The following ZSCAN5A variants were observed in gnomAD, a reference collection of about 807,000 sequenced individuals.
ZSCAN5A encodes zinc finger and SCAN domain-containing protein 5A.
In ZSCAN5A, 12 loss-of-function variants were observed where a neutral mutation model predicts 23.7. The ratio of observed to expected loss-of-function variants is 0.51; its 90% CI spans 0.32 to 0.82. ZSCAN5A has a LOEUF of 0.82. ZSCAN5A is among the 40% of genes least tolerant of loss of function. ZSCAN5A has a pLI of 0.03. For synonymous variants in ZSCAN5A, 257 were observed against 239.9 expected, an observed-to-expected ratio of 1.07 and a Z score of -0.66; for missense variants, 597 against 617.9, an observed-to-expected ratio of 0.97 and a Z score of 0.36.
intron 5 of ZSCAN5A, 105 bp downstream of exon 5, chr19:56,222,486 G>T: frequency 6.4e-7 from 1 of 1,553,026 alleles, no homozygotes; most frequent in South Asian, 1.3e-5. Context: ...GGGAGGCTTT[G>T]ACAGCTGAGT....
rs139272951 is a variant in ZSCAN5A, at chr19:56,346,586, T to C, written c.-358+16649A>G. Among the ~76,000 whole-genome samples the C allele has an allele frequency of 3.9e-3, 599 of 152,148 alleles. 5 individuals are homozygous for C. The highest frequency in any genetic ancestry group is 4.9e-3 in the Non-Finnish European group (334 of 67,988). ...CAGAGTTGTACAGCAAAATAAACTT[T>C]AGATATCAACGGAATTTTGGGTCCT... On this transcript the variant is annotated intron_variant, in intron 2 of 6. Coordinates refer to the ZSCAN5A transcript ENST00000587340.
chr19:56,295,350 T>C (rs1025139670), intron 2 of ZSCAN5A, among the ~76,000 whole-genome samples: 2 of 151,894 alleles, frequency 1.3e-5, no homozygotes, highest in Admixed American at 1.3e-4. Flanking sequence ...TCCCAGCACT[T>C]TGGGAGGCTG....
At chr19:56,268,683 G>A (rs1023465824) in intron 2 of ZSCAN5A, among the ~76,000 whole-genome samples, 3 of 152,002 alleles carry the variant, frequency 2.0e-5, no homozygotes, top group Non-Finnish European at 4.4e-5. Context: ...ACAATTCAGT[G>A]GCCTTTAGTG....
intron 2 of ZSCAN5A, among the ~76,000 whole-genome samples, chr19:56,256,430 G>C (rs1371416899): frequency 6.6e-6 from 1 of 152,146 alleles, no homozygotes; most frequent in Non-Finnish European, 1.5e-5. Flanking sequence ...CTGAGCTCAA[G>C]TGATCCTCCC....
rs201229544 is a variant in ZSCAN5A, at chr19:56,255,610, CT to C, written c.-127-30438del. ...GACCCAACGTGGTTTTTCCCTTTGG[CT>C]TTTTTTTTTTCTCCCTCAAAGAAGC... is the stretch of plus-strand genomic sequence containing the variant. On this transcript the variant is annotated intron_variant, in intron 2 of 5. Transcript: ENST00000683990. 4.6e-3 allele frequency among the ~76,000 whole-genome samples: 679 copies of C among 146,836 alleles called. 2 individuals carry two copies. Among genetic ancestry groups the C allele is most frequent in the East Asian group, 0.033 (167 of 5,036 alleles).
At chr19:56,274,526 T>G (rs916469048) in intron 2 of ZSCAN5A, 3 of 152,110 alleles carry the variant, frequency 2.0e-5, no homozygotes, top group Non-Finnish European at 4.4e-5. Context: ...TTGAAATTAT[T>G]TTAGACTTGA....
At chr19:56,341,306 G>A (rs1229874057) in intron 2 of ZSCAN5A, 2 of 152,170 alleles carry the variant, frequency 1.3e-5, no homozygotes, top group Non-Finnish European at 2.9e-5. Flanking sequence ...GAAAGTGACA[G>A]GGAGAATGGA....
intron 2 of ZSCAN5A, among the ~76,000 whole-genome samples, chr19:56,327,513 CCATAT>C (rs1568753677): frequency 6.7e-6 from 1 of 150,196 alleles, no homozygotes; most frequent in African/African-American, 2.4e-5. Flanking sequence ...AATATGTATA[CCATAT>C]AAGTCATACA....
intron 2 of ZSCAN5A, among the ~76,000 whole-genome samples, chr19:56,331,575 A>ATTTT (rs1568755642): frequency 1.5e-4 from 9 of 60,236 alleles, no homozygotes; most frequent in African/African-American, 4.4e-4. Context: ...ATGGAATTGC[A>ATTTT]TTCTTTTTTT....
intron 2 of ZSCAN5A, among the ~76,000 whole-genome samples, chr19:56,256,411 C>G (rs1238636933): frequency 2.0e-5 from 3 of 152,138 alleles, no homozygotes; most frequent in African/African-American, 7.2e-5. Flanking sequence ...CCAGGTTGGT[C>G]TTGAACTCCT....
chr19:56,304,894 C>A, intron 2 of ZSCAN5A: 1 of 645,406 alleles, frequency 1.5e-6, no homozygotes, highest in Non-Finnish European at 1.9e-6. Flanking sequence ...AGGTTCATCC[C>A]AACTGCCTGG....
chr19:56,266,672 G>T (rs1195728217), intron 2 of ZSCAN5A: 1 of 151,694 alleles, frequency 6.6e-6, no homozygotes, highest in African/African-American at 2.4e-5. Context: ...GTAGAGACGG[G>T]GTTTCACCAT....
chr19:56,367,963 T>TTA (rs2041782843), intron 1 of ZSCAN5A: 1 of 152,330 alleles, frequency 6.6e-6, no homozygotes, highest in South Asian at 2.1e-4. Context: ...CGCCAATGTA[T>TTA]TATCATAGGC....
chr19:56,262,259 T>A (rs1226761147), intron 2 of ZSCAN5A, among the ~76,000 whole-genome samples: 1 of 152,094 alleles, frequency 6.6e-6, no homozygotes, highest in Admixed American at 6.6e-5. Context: ...CCTCAAGTGA[T>A]CCACCCGCCT....
intron 2 of ZSCAN5A, among the ~76,000 whole-genome samples, chr19:56,242,826 T>C (rs2035534832): frequency 6.6e-6 from 1 of 152,226 alleles, no homozygotes; most frequent in African/African-American, 2.4e-5. Flanking sequence ...TTGCCCAGGC[T>C]GGAGTGCAAT....
intron 2 of ZSCAN5A, chr19:56,304,698 G>A (rs970608917): frequency 4.2e-6 from 3 of 712,212 alleles, no homozygotes; most frequent in Middle Eastern, 7.0e-4. Flanking sequence ...AAAGAAGCGA[G>A]AGGGGGATGG....
chr19:56,240,654 C>T (rs911849975), intron 2 of ZSCAN5A, among the ~76,000 whole-genome samples: 1 of 152,044 alleles, frequency 6.6e-6, no homozygotes, highest in Non-Finnish European at 1.5e-5. Context: ...GTGAAAGCAT[C>T]GGGTCTCCTT....
chr19:56,363,818 G>C (rs1164984410), intron 1 of ZSCAN5A, among the ~76,000 whole-genome samples: 3 of 152,188 alleles, frequency 2.0e-5, no homozygotes, highest in African/African-American at 7.2e-5. Context: ...AACAGCCTAT[G>C]TTCAGATGTG....
chr19:56,344,915 AAAAAAAAAAAAAAAAAAAAAG>A (rs1450815787), intron 2 of ZSCAN5A, among the ~76,000 whole-genome samples: 17 of 131,278 alleles, frequency 1.3e-4, no homozygotes, highest in African/African-American at 4.9e-4. Flanking sequence ...GTCTCAAAAA[AAAAAAAAAAAAAAAAAAAAAG>A]AAAAAAAAGA....
Sources: allele counts gnomAD v4.1 joint callset (sites outside exome capture counted in the v4.1 genomes callset), GRCh38; gene constraint gnomAD v4.1.1; transcripts MANE v1.5; gene names NCBI Gene and HGNC (gene_info 2026-07-23, HGNC 2026-07-21).